The following RAB11FIP4 variants were observed in gnomAD, a reference collection of about 807,000 sequenced individuals.
RAB11FIP4 encodes rab11 family-interacting protein 4.
A neutral mutation model predicts 74.3 loss-of-function variants in RAB11FIP4; 23 were observed. That is an observed-to-expected ratio of 0.31 (90% CI 0.22 to 0.44). The LOEUF is 0.44. Ranked by LOEUF, RAB11FIP4 falls within the 20% of genes least tolerant of loss-of-function variation. The pLI, the probability that RAB11FIP4 is intolerant of heterozygous loss-of-function variation, is 1.00. For synonymous variants in RAB11FIP4, 360 were observed against 359.9 expected (o/e 1.00, Z 0.00); for missense variants, 630 against 863.9 (o/e 0.73, Z 3.39).
chr17:31,479,523 A>C (rs1044232109), intron 3 of RAB11FIP4, among the ~76,000 whole-genome samples: 1 of 152,214 alleles, frequency 6.6e-6, no homozygotes, highest in African/African-American at 2.4e-5. Context: ...CCCTGTCCTC[A>C]GGAATTGCAG....
At position 31,445,570 on chromosome 17, in the gene RAB11FIP4, A is replaced by T. The variant is rs1567658359; in HGVS notation, c.336+11448A>T. Among the ~76,000 whole-genome samples the T allele has an allele frequency of 1.1e-3, 13 of 11,584 alleles. 2 individuals are homozygous for T. The highest frequency in any genetic ancestry group is 2.5e-3 in the African/African-American group (6 of 2,382). 7.6% of individuals were successfully genotyped at this position (11,584 alleles called of 152,430 possible). On this transcript the variant is annotated intron_variant, in intron 3 of 14. Coordinates refer to ENST00000621161, the MANE Select transcript of RAB11FIP4 (RefSeq NM_032932.6). ...TATATATATATATATATATATATAT[A>T]TATATATATTTTTTTTTTTTTTTTT... is the stretch of plus-strand genomic sequence containing the variant.
At chr17:31,411,101 C>T (rs1455067693) in intron 1 of RAB11FIP4, among the ~76,000 whole-genome samples, 3 of 152,188 alleles carry the variant, frequency 2.0e-5, no homozygotes, top group African/African-American at 7.2e-5. Flanking sequence ...CGGTGGCTCA[C>T]GCCTGTAATC....
At chr17:31,427,753 C>G (rs2151626232) in intron 1 of RAB11FIP4, among the ~76,000 whole-genome samples, 1 of 152,292 alleles carries the variant, frequency 6.6e-6, no homozygotes, top group East Asian at 1.9e-4. Flanking sequence ...ATTCACAGGC[C>G]CCCTATAATG....
intron 1 of RAB11FIP4, among the ~76,000 whole-genome samples, chr17:31,421,644 C>T (rs1376417963): frequency 6.6e-6 from 1 of 151,436 alleles, no homozygotes; most frequent in African/African-American, 2.4e-5. Context: ...GCAAACTTCG[C>T]CTCCTGGGTT....
intron 3 of RAB11FIP4, among the ~76,000 whole-genome samples, chr17:31,487,556 G>A (rs1007738802): frequency 5.9e-5 from 9 of 152,148 alleles, no homozygotes; most frequent in Non-Finnish European, 1.3e-4. Context: ...GAAAAGGCTG[G>A]AAAAGTTGTG....
At chr17:31,430,605 C>T (rs1024951040) in intron 1 of RAB11FIP4, among the ~76,000 whole-genome samples, 5 of 151,928 alleles carry the variant, frequency 3.3e-5, no homozygotes, top group South Asian at 4.2e-4. Context: ...GTGATCTACC[C>T]GCCTCGGCCT....
chr17:31,434,869 C>T (rs1015699256), intron 3 of RAB11FIP4, among the ~76,000 whole-genome samples: 11 of 152,184 alleles, frequency 7.2e-5, no homozygotes, highest in African/African-American at 2.4e-4. Flanking sequence ...TACCAGCACC[C>T]GGGCTCTCTG....
At chr17:31,397,323 G>A (rs1458865745) in intron 1 of RAB11FIP4, among the ~76,000 whole-genome samples, 1 of 152,154 alleles carries the variant, frequency 6.6e-6, no homozygotes, top group Non-Finnish European at 1.5e-5. Flanking sequence ...GGCCTCCTCG[G>A]GACTGTGGCA....
At chr17:31,475,666 A>G (rs967851685) in intron 3 of RAB11FIP4, among the ~76,000 whole-genome samples, 1 of 152,158 alleles carries the variant, frequency 6.6e-6, no homozygotes, top group African/African-American at 2.4e-5. Context: ...TGAAGATGTG[A>G]GTTGCCCAAC....
At chr17:31,470,126 G>A (rs749671179) in intron 3 of RAB11FIP4, among the ~76,000 whole-genome samples, 5 of 152,158 alleles carry the variant, frequency 3.3e-5, no homozygotes, top group Non-Finnish European at 5.9e-5. Context: ...GAAGCCGAGG[G>A]CCTGAGAGTC....
chr17:31,438,936 A>T (rs750843248), intron 3 of RAB11FIP4, among the ~76,000 whole-genome samples: 1 of 151,966 alleles, frequency 6.6e-6, no homozygotes, highest in Non-Finnish European at 1.5e-5. Flanking sequence ...ATATAGTGAG[A>T]CTGCTTCTCT....
chr17:31,405,655 G>C (rs1315845923), intron 1 of RAB11FIP4, among the ~76,000 whole-genome samples: 1 of 152,146 alleles, frequency 6.6e-6, no homozygotes, highest in East Asian at 1.9e-4. Context: ...CACCCAGCCT[G>C]CTCTTTATTT....
At chr17:31,483,851 G>C (rs1218236920) in intron 3 of RAB11FIP4, among the ~76,000 whole-genome samples, 1 of 152,068 alleles carries the variant, frequency 6.6e-6, no homozygotes, top group Non-Finnish European at 1.5e-5. Flanking sequence ...AACATGTGCA[G>C]AATGTTGCTT....
chr17:31,488,326 G>T, intron 3 of RAB11FIP4: 1 of 1,141,244 alleles, frequency 8.8e-7, no homozygotes, highest in Middle Eastern at 3.6e-4. Flanking sequence ...CGCGCACCTG[G>T]CTCGGCCCGG....
At chr17:31,520,718 A>G (rs1189587238) in intron 4 of RAB11FIP4, among the ~76,000 whole-genome samples, 1 of 152,166 alleles carries the variant, frequency 6.6e-6, no homozygotes, top group African/African-American at 2.4e-5. Flanking sequence ...CATGTTAGCC[A>G]GGATGGTCTC....
chr17:31,500,843 T>G (rs2072205012), intron 3 of RAB11FIP4, among the ~76,000 whole-genome samples: 1 of 152,050 alleles, frequency 6.6e-6, no homozygotes, highest in Non-Finnish European at 1.5e-5. Context: ...GCCAACATGG[T>G]GAAACCCCGT....
chr17:31,486,104 C>G (rs1009604327), intron 3 of RAB11FIP4, among the ~76,000 whole-genome samples: 5 of 151,544 alleles, frequency 3.3e-5, no homozygotes, highest in Non-Finnish European at 5.9e-5. Flanking sequence ...CGTGGTGGCA[C>G]ACACCAGTAG....
At position 31,521,368 on chromosome 17, in the gene RAB11FIP4, C is replaced by T; in HGVS notation, c.758+8C>T. Reference sequence around the variant, plus strand: ...GTCTTCGGTGTCTTCCAGGTGGCCCCTTGGTCTGGGATGTCATTTGGGGTC... The same window carrying T: ...GTCTTCGGTGTCTTCCAGGTGGCCCTTTGGTCTGGGATGTCATTTGGGGTC... On this transcript the variant is annotated splice_region_variant and intron_variant, in intron 5 of 14. Coordinates refer to ENST00000621161, the MANE Select transcript of RAB11FIP4 (RefSeq NM_032932.6). 3.8e-6 allele frequency: 6 copies of T among 1,588,082 alleles called. No individual in the cohort carries two copies. Among genetic ancestry groups the T allele is most frequent in the African/African-American group, 1.4e-5 (1 of 73,820 alleles).
chr17:31,519,366 G>A (rs566377777), intron 4 of RAB11FIP4, among the ~76,000 whole-genome samples: 199 of 152,220 alleles, frequency 1.3e-3, no homozygotes, highest in Non-Finnish European at 2.5e-3. Context: ...TCTATATTGA[G>A]CATGTACTCC....
Sources: gnomAD v4.1 joint callset for allele counts (sites outside exome capture counted in the v4.1 genomes callset) on GRCh38, gnomAD v4.1.1 for gene constraint, MANE v1.5 for transcripts, NCBI Gene and HGNC (gene_info 2026-07-23, HGNC 2026-07-21) for gene names.